The following KLHDC10 variants were observed in gnomAD, a reference collection of about 807,000 sequenced individuals.
The protein encoded by KLHDC10 is kelch domain containing 10.
KLHDC10 carries 24 observed loss-of-function variants against 56.1 expected under a neutral mutation model. The ratio of observed to expected loss-of-function variants is 0.43; its 90% CI spans 0.31 to 0.60. KLHDC10 has a LOEUF of 0.60. KLHDC10 is among the 20% of genes least tolerant of loss of function. The pLI is 0.11. For synonymous variants in KLHDC10, 188 were observed against 207.1 expected (o/e 0.91, Z 0.79); for missense variants, 349 against 567.0 (o/e 0.62, Z 3.91).
At chr7:130,075,143 G>A (rs1212162230) in intron 1 of KLHDC10, among the ~76,000 whole-genome samples, 1 of 152,114 alleles carries the variant, frequency 6.6e-6, no homozygotes, top group Non-Finnish European at 1.5e-5. Flanking sequence ...TGTGCTTTTT[G>A]TAGAATAAGT....
At chr7:130,096,440 T>A (rs1268039397) in intron 1 of KLHDC10, among the ~76,000 whole-genome samples, 1 of 152,100 alleles carries the variant, frequency 6.6e-6, no homozygotes, top group Non-Finnish European at 1.5e-5. Context: ...TATAGTAGAG[T>A]CAGCTTATTT....
At chr7:130,107,518 AC>A (rs940356064) in intron 2 of KLHDC10, among the ~76,000 whole-genome samples, 10 of 151,902 alleles carry the variant, frequency 6.6e-5, no homozygotes, top group African/African-American at 2.2e-4. Flanking sequence ...AAATAAAAAA[AC>A]AATAAAACAA....
intron 2 of KLHDC10, among the ~76,000 whole-genome samples, chr7:130,113,955 G>C (rs564415107): frequency 1.3e-5 from 2 of 152,204 alleles, no homozygotes; most frequent in Non-Finnish European, 2.9e-5. Flanking sequence ...CTAATTCTTA[G>C]AAAGAAGCAT....
At chr7:130,112,032 A>T (rs570155926) in intron 2 of KLHDC10, among the ~76,000 whole-genome samples, 41 of 152,298 alleles carry the variant, frequency 2.7e-4, no homozygotes, top group Middle Eastern at 3.4e-3. Flanking sequence ...TCTATTAAAA[A>T]TTTTTTGTTT....
chr7:130,133,172 G>A lies in KLHDC10; in HGVS notation c.*2426G>A, dbSNP rs1357924800. ...GCTATAGAACCACACATGTGTACAT[G>A]TTCTGGATGCCAAATGAGACTGTGT... On this transcript the variant is annotated 3_prime_UTR_variant, in exon 10 of 10. Coordinates refer to ENST00000335420, the MANE Select transcript of KLHDC10 (RefSeq NM_014997.4). The A allele has an allele frequency of 6.6e-6, 1 of 152,260 alleles. No individual in the cohort carries two copies. The highest frequency in any genetic ancestry group is 1.5e-5 in the Non-Finnish European group (1 of 68,066). 9.4% of individuals were successfully genotyped at this position (152,260 alleles called of 1,614,324 possible). A position where few individuals can be genotyped will look rare whatever the true frequency, so the allele number is the denominator to read the frequency against.
intron 2 of KLHDC10, among the ~76,000 whole-genome samples, chr7:130,097,789 A>G (rs943151830): frequency 2.0e-5 from 3 of 152,208 alleles, no homozygotes; most frequent in Non-Finnish European, 4.4e-5. Flanking sequence ...AGAAATATTC[A>G]TACCCTTTGA....
chr7:130,129,801 T>C (rs1796371412), intron 9 of KLHDC10, among the ~76,000 whole-genome samples: 1 of 152,176 alleles, frequency 6.6e-6, no homozygotes, highest in African/African-American at 2.4e-5. Flanking sequence ...ATGCTACCTG[T>C]GGCATTCCGG....
In KLHDC10 at chr7:130,077,597, C is replaced by T. The variant is rs574308965; in HGVS notation, c.166+6788C>T. Among the ~76,000 whole-genome samples the T allele has an allele frequency of 9.8e-3, 1,397 of 142,640 alleles. 14 individuals are homozygous for T. Among genetic ancestry groups the T allele is most frequent in the Non-Finnish European group, 0.014 (901 of 65,572 alleles). 93.6% of individuals were successfully genotyped at this position (142,640 alleles called of 152,430 possible). On this transcript the variant is annotated intron_variant, in intron 1 of 9. Coordinates refer to ENST00000335420, the MANE Select transcript of KLHDC10 (RefSeq NM_014997.4). ...TTGAGACGGAGTCTTGCTCTGTCGC[C>T]CAGGCTGGAGTGCAGTGGCACCATC...
chr7:130,070,884 T>C, intron 1 of KLHDC10, 75 bp downstream of exon 1: 1 of 1,135,624 alleles, frequency 8.8e-7, no homozygotes, highest in South Asian at 3.8e-5. Context: ...CTCCCTGGCT[T>C]GCTTTTCCTT....
chr7:130,113,685 CA>C (rs1014476125), intron 2 of KLHDC10, among the ~76,000 whole-genome samples: 2 of 152,284 alleles, frequency 1.3e-5, no homozygotes, highest in African/African-American at 4.8e-5. Flanking sequence ...CGTCTTTTCA[CA>C]GACCCCTCAA....
At chr7:130,097,954 A>G in intron 2 of KLHDC10, among the ~76,000 whole-genome samples, 1 of 152,150 alleles carries the variant, frequency 6.6e-6, no homozygotes. Flanking sequence ...TCACACAAGC[A>G]TACTTAATGT....
At chr7:130,099,093 T>G (rs1310031587) in intron 2 of KLHDC10, among the ~76,000 whole-genome samples, 1 of 152,204 alleles carries the variant, frequency 6.6e-6, no homozygotes, top group Non-Finnish European at 1.5e-5. Flanking sequence ...CCTTCTTAAA[T>G]TTTTCTCTTT....
intron 5 of KLHDC10, among the ~76,000 whole-genome samples, chr7:130,124,195 T>C (rs954206942): frequency 1.5e-4 from 23 of 151,976 alleles, no homozygotes; most frequent in Admixed American, 6.5e-5. Context: ...TTTAATGCAA[T>C]TGATTAAAAA....
At chr7:130,084,837 A>G (rs1306166498) in intron 1 of KLHDC10, among the ~76,000 whole-genome samples, 1 of 152,186 alleles carries the variant, frequency 6.6e-6, no homozygotes, top group Non-Finnish European at 1.5e-5. Flanking sequence ...AGTCTCATCA[A>G]ATGTGATGGA....
Position 130,116,038 on chromosome 7 carries a change from A to AT in KLHDC10, c.254-405dup, listed in dbSNP as rs1796163221. 6.6e-6 allele frequency among the ~76,000 whole-genome samples: 1 copy of AT among 152,212 alleles called. No homozygotes were observed. The highest frequency in any genetic ancestry group is 2.4e-5 in the African/African-American group (1 of 41,464). On this transcript the variant is annotated intron_variant, in intron 2 of 9. Coordinates refer to ENST00000335420, the MANE Select transcript of KLHDC10 (RefSeq NM_014997.4). This position sits in a 1 kb window ranked among gnomAD's most constrained non-coding sequence, Gnocchi z 4.8. ...GATTATATTTATTTAGTTCTCTAAT[A>AT]TTCACAGTTTAATTTAGTTGGCCTG...
intron 2 of KLHDC10, among the ~76,000 whole-genome samples, chr7:130,098,548 C>T (rs1795884815): frequency 6.6e-6 from 1 of 152,000 alleles, no homozygotes. Flanking sequence ...CACACATGGC[C>T]AAGCAGGCAT....
intron 8 of KLHDC10, among the ~76,000 whole-genome samples, chr7:130,128,646 C>T (rs1328664763): frequency 5.3e-5 from 8 of 151,676 alleles, no homozygotes; most frequent in Non-Finnish European, 7.4e-5. Flanking sequence ...TTAGTCTCTG[C>T]GAGCAGATAA....
chr7:130,134,525 T>A lies in KLHDC10; in HGVS notation c.*3779T>A, dbSNP rs1332032262. 2.6e-5 allele frequency: 4 copies of A among 152,186 alleles called. No homozygotes were observed. Among genetic ancestry groups the A allele is most frequent in the Non-Finnish European group, 5.9e-5 (4 of 68,028 alleles). 9.4% of individuals were successfully genotyped at this position (152,186 alleles called of 1,614,324 possible). A position where few individuals can be genotyped will look rare whatever the true frequency, so the allele number is the denominator to read the frequency against. On this transcript the variant is annotated 3_prime_UTR_variant, in exon 10 of 10. Coordinates refer to ENST00000335420, the MANE Select transcript of KLHDC10 (RefSeq NM_014997.4). ...TGACAAATACTTGCTTTTCCTCTAA[T>A]CTTGCAAGAGCTATGGCTCTTCTAT...
chr7:130,094,896 AAT>A (rs1795828253), intron 1 of KLHDC10: 1 of 152,164 alleles, frequency 6.6e-6, no homozygotes, highest in Non-Finnish European at 1.5e-5. Flanking sequence ...TTTCTTTAGG[AAT>A]AGATTCCTAG....
Sources: allele counts gnomAD v4.1 joint callset (sites outside exome capture counted in the v4.1 genomes callset), GRCh38; gene constraint gnomAD v4.1.1; non-coding constraint Gnocchi (gnomAD v3.1); transcripts MANE v1.5; gene names NCBI Gene and HGNC (gene_info 2026-07-23, HGNC 2026-07-21).